The following PIGU variants were observed in gnomAD, a reference collection of about 807,000 sequenced individuals.
The protein encoded by PIGU is GPI-anchor transamidase component PIGU.
PIGU carries 24 observed loss-of-function variants against 49.9 expected under a neutral mutation model. The ratio of observed to expected loss-of-function variants is 0.48; its 90% CI spans 0.35 to 0.68. The LOEUF is 0.68. Ranked by LOEUF, PIGU falls within the 30% of genes least tolerant of loss-of-function variation. The pLI, the probability that PIGU is intolerant of heterozygous loss-of-function variation, is 0.01. For synonymous variants in PIGU, 220 were observed against 205.7 expected, an observed-to-expected ratio of 1.07 and a Z score of -0.59; for missense variants, 490 against 532.6, an observed-to-expected ratio of 0.92 and a Z score of 0.79.
At chr20:34,675,197 G>A (rs570737822) in intron 1 of PIGU, among the ~76,000 whole-genome samples, 5 of 141,276 alleles carry the variant, frequency 3.5e-5, no homozygotes, top group Non-Finnish European at 7.5e-5. Context: ...ATGGTGAGCC[G>A]AGATCGCACC....
intron 3 of PIGU, 88 bp downstream of exon 3, chr20:34,645,187 C>CAAAA (rs1163864427): frequency 2.8e-5 from 29 of 1,033,732 alleles, no homozygotes; most frequent in South Asian, 4.1e-5. Context: ...GACCCCATCT[C>CAAAA]AAAAAAAAAA....
intron 4 of PIGU, 68 bp downstream of exon 4, chr20:34,644,096 C>G: frequency 7.2e-7 from 1 of 1,385,898 alleles, no homozygotes; most frequent in Admixed American, 1.7e-5. Context: ...AGTATAAGAT[C>G]TTTGTAATAA....
chr20:34,578,958 A>G (rs1983347542), intron 10 of PIGU: 1 of 152,154 alleles, frequency 6.6e-6, no homozygotes, highest in South Asian at 2.1e-4. Flanking sequence ...ATGATTGATG[A>G]ACTGGAACTT....
At chr20:34,672,408 A>G (rs1244309881) in intron 1 of PIGU, among the ~76,000 whole-genome samples, 1 of 152,040 alleles carries the variant, frequency 6.6e-6, no homozygotes, top group Non-Finnish European at 1.5e-5. Flanking sequence ...CCTATGGGAT[A>G]CCCCCCTTGT....
chr20:34,634,479 G>C, intron 6 of PIGU, 136 bp downstream of exon 6: 1 of 1,310,274 alleles, frequency 7.6e-7, no homozygotes, highest in Non-Finnish European at 9.9e-7. Context: ...AAATAATCTT[G>C]TATTACTTGT....
rs1018337165 is a variant in PIGU at position 34,653,463 on chromosome 20, T to C, written c.195+3717A>G. Among the ~76,000 whole-genome samples the C allele has an allele frequency of 3.9e-5, 6 of 152,228 alleles. No individual in the cohort carries two copies. In the East Asian group the frequency reaches 1.2e-3, roughly 29 times the overall value. ...TTTAGTATCGCTATCTCTTTTATCA[T>C]TATGAAATGTATTTTATCTCTGGTG... On this transcript the variant is annotated intron_variant, in intron 2 of 11. Coordinates refer to ENST00000217446, the MANE Select transcript of PIGU (RefSeq NM_080476.5).
intron 3 of PIGU, among the ~76,000 whole-genome samples, chr20:34,644,434 C>T (rs1350050667): frequency 6.6e-6 from 1 of 152,164 alleles, no homozygotes; most frequent in Non-Finnish European, 1.5e-5. Flanking sequence ...GATCAGGACC[C>T]ATCTAGGTTC....
At chr20:34,606,832 G>A (rs1984634298) in intron 7 of PIGU, among the ~76,000 whole-genome samples, 1 of 152,202 alleles carries the variant, frequency 6.6e-6, no homozygotes, top group Non-Finnish European at 1.5e-5. Flanking sequence ...TGTGATCTCA[G>A]CTCACTGCAA....
intron 7 of PIGU, among the ~76,000 whole-genome samples, chr20:34,613,437 T>C (rs1600628803): frequency 6.6e-6 from 1 of 152,344 alleles, no homozygotes; most frequent in East Asian, 1.9e-4. Context: ...AAATTTCCTT[T>C]AGTTTTAAAC....
At chr20:34,608,624 A>G (rs6059940) in intron 7 of PIGU, among the ~76,000 whole-genome samples, 13 of 152,288 alleles carry the variant, frequency 8.5e-5, no homozygotes, top group African/African-American at 2.9e-4. Flanking sequence ...AGAGGGCTTG[A>G]AAAAAACTCA....
At chr20:34,646,928 G>T (rs1481912721) in intron 2 of PIGU, among the ~76,000 whole-genome samples, 1 of 151,438 alleles carries the variant, frequency 6.6e-6, no homozygotes, top group Non-Finnish European at 1.5e-5. Context: ...GGGTTCAGAT[G>T]ATTCTCCTGC....
chr20:34,595,905 C>A (rs1408580197), intron 7 of PIGU, among the ~76,000 whole-genome samples: 3 of 152,150 alleles, frequency 2.0e-5, no homozygotes, highest in Non-Finnish European at 4.4e-5. Flanking sequence ...TCAATACCAG[C>A]CTGGCCAACT....
At chr20:34,581,792 G>T (rs1410692984) in intron 9 of PIGU, 120 bp from the exon 10 acceptor site, 5 of 1,308,448 alleles carry the variant, frequency 3.8e-6, no homozygotes, top group Non-Finnish European at 4.1e-6. Flanking sequence ...GAAGGGGCTG[G>T]CTCTGCTATC....
At position 34,628,603 on chromosome 20, in the gene PIGU, C is replaced by G. The variant is rs1172110547; in HGVS notation, c.529+6012G>C. On this transcript the variant is annotated intron_variant, in intron 6 of 11. Coordinates refer to ENST00000217446, the MANE Select transcript of PIGU (RefSeq NM_080476.5). ...CAGTGGCTCACACCTGTAACCCCAG[C>G]ACTTTGGGAGGCCAAGGCAGGCAGA... Among the ~76,000 whole-genome samples, 4 of 152,282 alleles carry G rather than the reference C, an allele frequency of 2.6e-5. No individual in the cohort carries two copies. The East Asian group carries it at 7.7e-4, about 29-fold the overall frequency.
At chr20:34,666,687 CTTTTTT>C (rs918644106) in intron 1 of PIGU, among the ~76,000 whole-genome samples, 106 of 90,596 alleles carry the variant, frequency 1.2e-3, no homozygotes, top group South Asian at 2.7e-3. Flanking sequence ...CTGACTAATT[CTTTTTT>C]TTTTTTTTTT....
In PIGU at chr20:34,575,122, C is replaced by T. The variant is rs777622280; in HGVS notation, c.1176G>A (p.Leu392=). 1 of 1,614,130 alleles carries T rather than the reference C, an allele frequency of 6.2e-7. No individual in the cohort carries two copies. Among genetic ancestry groups the T allele is most frequent in the East Asian group, 2.2e-5 (1 of 44,888 alleles). ...ANSNFFYAIT[L]TFNVGQILLI... ...CTCTTACCTGCCCAACGTTGAAGGT[C>T]AGTGTGATGGCATAAAAGAAATTAG... is the stretch of plus-strand genomic sequence containing the variant. Residue 392 remains leucine (L), a synonymous_variant, in exon 11 of 12, where the codon CTG becomes CTA. Transcript: ENST00000217446.
chr20:34,619,822 G>C (rs1985140129), intron 6 of PIGU, among the ~76,000 whole-genome samples: 1 of 152,206 alleles, frequency 6.6e-6, no homozygotes. Context: ...ATAGACTGAA[G>C]TAGTCTTTGG....
chr20:34,560,615 C>CCTGT lies in PIGU; in HGVS notation c.*247_*250dup, dbSNP rs549880820. 399 of 441,432 alleles carry CCTGT rather than the reference C, an allele frequency of 9.0e-4. No homozygotes were observed. The highest frequency in any genetic ancestry group is 7.5e-3 in the African/African-American group (368 of 49,118). The allele number at this position is 441,432 out of a possible 1,614,324, so 27.3% of individuals were successfully genotyped here. On this transcript the variant is annotated 3_prime_UTR_variant, in exon 12 of 12. Transcript: ENST00000217446. ...CCCTGCTCACCTGCCTCTTCTCCTT[C>CCTGT]CTGTCTGGGAGGGGGCTCCTTGGTG...
At chr20:34,587,012 T>C (rs1983722807) in intron 8 of PIGU, among the ~76,000 whole-genome samples, 1 of 152,192 alleles carries the variant, frequency 6.6e-6, no homozygotes, top group African/African-American at 2.4e-5. Flanking sequence ...CGTGTTCCAA[T>C]AATAGAACAC....
Sources: allele counts gnomAD v4.1 joint callset (sites outside exome capture counted in the v4.1 genomes callset), GRCh38; gene constraint gnomAD v4.1.1; transcripts MANE v1.5; gene names NCBI Gene and HGNC (gene_info 2026-07-23, HGNC 2026-07-21).